The following PRKD1 variants were observed in gnomAD, a reference collection of about 807,000 sequenced individuals.
PRKD1 encodes serine/threonine-protein kinase D1.
A neutral mutation model predicts 95.9 loss-of-function variants in PRKD1; 63 were observed. The observed-to-expected ratio is 0.66, with a 90% CI of 0.54 to 0.81. The LOEUF is 0.81. Ranked by LOEUF, PRKD1 falls within the 30% of genes least tolerant of loss-of-function variation. The pLI is 0.00. For synonymous variants in PRKD1, 425 were observed against 423.1 expected (o/e 1.00, Z -0.05); for missense variants, 1,048 against 1,165.3 (o/e 0.90, Z 1.47).
chr14:29,857,845 T>G (rs1892565458), intron 1 of PRKD1, among the ~76,000 whole-genome samples: 1 of 152,130 alleles, frequency 6.6e-6, no homozygotes, highest in Non-Finnish European at 1.5e-5. Flanking sequence ...AAAATCTCCC[T>G]AAAAGATGAC....
At chr14:29,805,483 G>A (rs1167476601) in intron 1 of PRKD1, among the ~76,000 whole-genome samples, 1 of 152,188 alleles carries the variant, frequency 6.6e-6, no homozygotes, top group Admixed American at 6.5e-5. Context: ...GCTAATAGAA[G>A]GCTGAATGAA....
chr14:29,640,775 T>C lies in PRKD1; in HGVS notation c.697-1871A>G, dbSNP rs1880705426. On this transcript the variant is annotated intron_variant, in intron 4 of 17. Coordinates refer to ENST00000331968, the MANE Select transcript of PRKD1 (RefSeq NM_002742.3). ...ACACTCAGAATAAAAGATAACCTGATGTCACACTTTGTTAGCAGATTTAAC... is the reference window on the plus strand; with the variant it reads ...ACACTCAGAATAAAAGATAACCTGACGTCACACTTTGTTAGCAGATTTAAC... Among the ~76,000 whole-genome samples the C allele has an allele frequency of 2.0e-5, 3 of 152,344 alleles. No homozygotes were observed. In the South Asian group the frequency reaches 6.2e-4, roughly 32 times the overall value.
chr14:29,730,254 C>T (rs1051040360), intron 1 of PRKD1, among the ~76,000 whole-genome samples: 1 of 151,830 alleles, frequency 6.6e-6, no homozygotes, highest in African/African-American at 2.4e-5. Context: ...ATGGACAACA[C>T]GTATATGAAA....
At chr14:29,615,524 A>G (rs764332541) in intron 13 of PRKD1, among the ~76,000 whole-genome samples, 8 of 152,168 alleles carry the variant, frequency 5.3e-5, no homozygotes, top group Non-Finnish European at 8.8e-5. Context: ...TTCTCTGGCT[A>G]TGAAAAGCTT....
chr14:29,834,611 C>A (rs1032007390), intron 1 of PRKD1, among the ~76,000 whole-genome samples: 3 of 151,936 alleles, frequency 2.0e-5, no homozygotes. Flanking sequence ...AATAATTTTT[C>A]TCCCCATTTT....
chr14:29,853,659 T>A (rs7493980), intron 1 of PRKD1, among the ~76,000 whole-genome samples: 34 of 152,328 alleles, frequency 2.2e-4, no homozygotes, highest in African/African-American at 8.2e-4. Context: ...GTGGAAGGAT[T>A]CATCTTTGAT....
chr14:29,624,199 G>A lies in PRKD1; in HGVS notation c.1858C>T (p.Pro620Ser). 1 of 1,604,946 alleles carries A rather than the reference G, an allele frequency of 6.2e-7. No homozygotes were observed. Among genetic ancestry groups the A allele is most frequent in the Non-Finnish European group, 8.5e-7 (1 of 1,175,246 alleles). Residue 620 changes from proline (P) to serine (S), a missense_variant, in exon 13 of 18, where the codon CCA becomes TCA. Around this residue, in one of 3 missense-constraint regions of PRKD1, gnomAD observed 739 missense variants for 861.9 expected, o/e 0.86. Coordinates refer to ENST00000331968, the MANE Select transcript of PRKD1 (RefSeq NM_002742.3). ...AIKIIDKLRFPTKQESQLRNE... is the reference protein window; with the variant it reads ...AIKIIDKLRFSTKQESQLRNE... ...CGAAGCTGGCTTTCTTGTTTTGTTG[G>A]AAATCGTAATTTGTCAATGATTTTA...
At chr14:29,840,570 T>G (rs536349126) in intron 1 of PRKD1, among the ~76,000 whole-genome samples, 1 of 152,278 alleles carries the variant, frequency 6.6e-6, no homozygotes, top group Admixed American at 6.5e-5. Context: ...TTTACTGTAT[T>G]AGTCTGTTTT....
chr14:29,775,942 C>T (rs962952832), intron 1 of PRKD1, among the ~76,000 whole-genome samples: 4 of 152,124 alleles, frequency 2.6e-5, no homozygotes, highest in Non-Finnish European at 4.4e-5. Context: ...CCCTCTGAGA[C>T]GAAGCTTCCA....
At chr14:29,681,102 A>G (rs1883516642) in intron 2 of PRKD1, among the ~76,000 whole-genome samples, 1 of 152,254 alleles carries the variant, frequency 6.6e-6, no homozygotes, top group African/African-American at 2.4e-5. Flanking sequence ...GAAATGGTCT[A>G]GGAACTTCTT....
chr14:29,779,118 G>A (rs1383037853), intron 1 of PRKD1, among the ~76,000 whole-genome samples: 1 of 152,090 alleles, frequency 6.6e-6, no homozygotes, highest in Non-Finnish European at 1.5e-5. Context: ...CAATAAATTA[G>A]GTATTGATGA....
At chr14:29,702,001 T>A (rs1246973677) in intron 2 of PRKD1, among the ~76,000 whole-genome samples, 1 of 152,194 alleles carries the variant, frequency 6.6e-6, no homozygotes, top group African/African-American at 2.4e-5. Context: ...CTTTGAAATT[T>A]ATTAGGATTG....
At chr14:29,770,598 G>A (rs1888456666) in intron 1 of PRKD1, among the ~76,000 whole-genome samples, 1 of 152,166 alleles carries the variant, frequency 6.6e-6, no homozygotes, top group Non-Finnish European at 1.5e-5. Context: ...AAATCTGGTT[G>A]AATTGTGTCC....
At chr14:29,605,873 C>T (rs1594356059) in intron 13 of PRKD1, among the ~76,000 whole-genome samples, 2 of 152,294 alleles carry the variant, frequency 1.3e-5, no homozygotes, top group Admixed American at 6.5e-5. Flanking sequence ...GTACATTTTG[C>T]ATCAAGTACG....
chr14:29,919,716 A>G (rs1895019067), intron 1 of PRKD1, among the ~76,000 whole-genome samples: 1 of 145,776 alleles, frequency 6.9e-6, no homozygotes, highest in East Asian at 1.9e-4. Context: ...TAATCCTAGC[A>G]CTTTGGAAGG....
intron 2 of PRKD1, among the ~76,000 whole-genome samples, chr14:29,707,333 G>A (rs554182841): frequency 6.6e-6 from 1 of 152,236 alleles, no homozygotes; most frequent in South Asian, 2.1e-4. Context: ...GGGAGAATAT[G>A]GTACTTGAAC....
intron 1 of PRKD1, among the ~76,000 whole-genome samples, chr14:29,767,356 T>A (rs193165233): frequency 6.6e-6 from 1 of 152,264 alleles, no homozygotes; most frequent in East Asian, 1.9e-4. Flanking sequence ...TGAGGTAGGA[T>A]CCATAATCTA....
chr14:29,775,543 C>T (rs1161842352), intron 1 of PRKD1, among the ~76,000 whole-genome samples: 1 of 152,162 alleles, frequency 6.6e-6, no homozygotes, highest in Non-Finnish European at 1.5e-5. Context: ...GACCCTCGCT[C>T]ATTGCTAGCA....
chr14:29,765,946 G>A (rs1250787616), intron 1 of PRKD1, among the ~76,000 whole-genome samples: 2 of 152,052 alleles, frequency 1.3e-5, no homozygotes, highest in Non-Finnish European at 2.9e-5. Context: ...TAGACCTGGG[G>A]GTGACTGCAT....
Sources: allele counts gnomAD v4.1 joint callset (sites outside exome capture counted in the v4.1 genomes callset), GRCh38; gene constraint gnomAD v4.1.1; regional missense constraint gnomAD v4.1.1; transcripts MANE v1.5; gene names NCBI Gene and HGNC (gene_info 2026-07-23, HGNC 2026-07-21).